The following EXOC4 variants were observed in gnomAD, a reference collection of about 807,000 sequenced individuals.
EXOC4 encodes the protein exocyst complex component 4, also known as SEC8-like 1.
EXOC4 carries 71 observed loss-of-function variants against 107.2 expected under a neutral mutation model. The ratio of observed to expected loss-of-function variants is 0.66; its 90% CI spans 0.55 to 0.81. EXOC4 has a LOEUF of 0.81. EXOC4 is among the 30% of genes least tolerant of loss of function. The pLI is 0.00. For missense variants in EXOC4, 1,108 were observed against 1,189.6 expected (o/e 0.93, Z 1.01); for synonymous variants, 456 against 441.2 (o/e 1.03, Z -0.42).
chr7:133,604,668 T>C (rs541952028), intron 9 of EXOC4, among the ~76,000 whole-genome samples: 1 of 151,102 alleles, frequency 6.6e-6, no homozygotes, highest in South Asian at 2.1e-4. Context: ...CTTTAACTTA[T>C]AGCACTGATT....
intron 17 of EXOC4, among the ~76,000 whole-genome samples, chr7:134,035,364 G>A (rs573064022): frequency 6.6e-6 from 1 of 152,164 alleles, no homozygotes; most frequent in South Asian, 2.1e-4. Context: ...TCTTAAAAGG[G>A]TCATTAATAG....
At chr7:133,407,568 T>C (rs1490385487) in intron 7 of EXOC4, among the ~76,000 whole-genome samples, 1 of 152,278 alleles carries the variant, frequency 6.6e-6, no homozygotes. Context: ...TATTCAAATA[T>C]GTAATGTTTA....
intron 10 of EXOC4, among the ~76,000 whole-genome samples, chr7:133,756,588 T>C (rs1357334849): frequency 6.6e-6 from 1 of 152,236 alleles, no homozygotes; most frequent in African/African-American, 2.4e-5. Context: ...CTCCTCCATT[T>C]AAAATTGCCA....
At chr7:133,961,968 C>T (rs1216724313) in intron 14 of EXOC4, among the ~76,000 whole-genome samples, 1 of 152,226 alleles carries the variant, frequency 6.6e-6, no homozygotes, top group African/African-American at 2.4e-5. Flanking sequence ...CCTCATTTCT[C>T]AGAGGAGGAA....
intron 9 of EXOC4, among the ~76,000 whole-genome samples, chr7:133,524,585 A>C (rs1427093726): frequency 6.7e-6 from 1 of 149,110 alleles, no homozygotes; most frequent in African/African-American, 2.5e-5. Context: ...TCTAACATTT[A>C]AGTCTTTAAT....
chr7:133,649,625 C>T (rs1434838943), intron 10 of EXOC4, among the ~76,000 whole-genome samples: 1 of 152,076 alleles, frequency 6.6e-6, no homozygotes, highest in Non-Finnish European at 1.5e-5. Context: ...TCAGTCACCA[C>T]CTTCTGTGTC....
intron 1 of EXOC4, among the ~76,000 whole-genome samples, chr7:133,255,250 C>T (rs1170240840): frequency 6.6e-6 from 1 of 151,974 alleles, no homozygotes; most frequent in Admixed American, 6.6e-5. Context: ...GATCTCGGCT[C>T]ACTGCAACCT....
At chr7:133,954,353 G>A (rs1800765778) in intron 14 of EXOC4, among the ~76,000 whole-genome samples, 1 of 152,214 alleles carries the variant, frequency 6.6e-6, no homozygotes, top group African/African-American at 2.4e-5. Context: ...TGCTCTAAGT[G>A]TATGTGTGCC....
intron 9 of EXOC4, among the ~76,000 whole-genome samples, chr7:133,585,473 T>C (rs1038522035): frequency 2.0e-5 from 3 of 152,106 alleles, no homozygotes; most frequent in Non-Finnish European, 4.4e-5. Context: ...CAAGAATCAC[T>C]GTCATTGGCC....
At chr7:133,329,926 G>A (rs1452591202) in intron 5 of EXOC4, among the ~76,000 whole-genome samples, 1 of 152,154 alleles carries the variant, frequency 6.6e-6, no homozygotes, top group African/African-American at 2.4e-5. Context: ...GAGGCAATCT[G>A]ACCCTTAGCA....
chr7:133,786,526 G>A (rs1009607672), intron 10 of EXOC4, among the ~76,000 whole-genome samples: 1 of 152,216 alleles, frequency 6.6e-6, no homozygotes, highest in South Asian at 2.1e-4. Context: ...TACGAAACAG[G>A]TGTCAAAGAG....
chr7:134,014,374 G>C (rs1794847250), intron 17 of EXOC4, among the ~76,000 whole-genome samples: 1 of 152,208 alleles, frequency 6.6e-6, no homozygotes, highest in Admixed American at 6.5e-5. Flanking sequence ...CTGCACTCCA[G>C]CCTGGGCGAC....
At chr7:133,965,584 C>A (rs749941291) in intron 14 of EXOC4, among the ~76,000 whole-genome samples, 1 of 152,170 alleles carries the variant, frequency 6.6e-6, no homozygotes, top group Non-Finnish European at 1.5e-5. Flanking sequence ...AATAGGGAAT[C>A]CTTTCCCCAT....
chr7:133,616,504 A>G (rs1047459302), intron 9 of EXOC4, among the ~76,000 whole-genome samples: 3 of 152,162 alleles, frequency 2.0e-5, no homozygotes, highest in South Asian at 2.1e-4. Flanking sequence ...CTTAAAGTTC[A>G]GATACTTGTT....
At chr7:133,255,076 A>T (rs923049034) in intron 1 of EXOC4, among the ~76,000 whole-genome samples, 1 of 152,004 alleles carries the variant, frequency 6.6e-6, no homozygotes, top group Non-Finnish European at 1.5e-5. Flanking sequence ...TCCATCTCTT[A>T]TGCCAGTTTA....
intron 10 of EXOC4, among the ~76,000 whole-genome samples, chr7:133,764,939 T>TACTTA (rs1562988119): frequency 5.3e-5 from 8 of 151,980 alleles, no homozygotes; most frequent in African/African-American, 1.9e-4. Flanking sequence ...CCCAAACAAG[T>TACTTA]TACTTAACCT....
intron 10 of EXOC4, among the ~76,000 whole-genome samples, chr7:133,650,452 G>T (rs185029650): frequency 1.0e-3 from 156 of 152,200 alleles, no homozygotes; most frequent in African/African-American, 3.5e-3. Flanking sequence ...GCCCTTTTAA[G>T]AATACTTAGT....
At chr7:133,986,973 T>C (rs1462348625) in intron 14 of EXOC4, among the ~76,000 whole-genome samples, 1 of 152,194 alleles carries the variant, frequency 6.6e-6, no homozygotes, top group Non-Finnish European at 1.5e-5. Flanking sequence ...ACTGACTTTG[T>C]AGGCCTCGTG....
chr7:133,912,940 C>T (rs968772563), intron 12 of EXOC4, among the ~76,000 whole-genome samples: 9 of 151,948 alleles, frequency 5.9e-5, no homozygotes, highest in African/African-American at 2.2e-4. Context: ...AATAGCTTGC[C>T]CAAGTGATTC....
Sources: allele counts gnomAD v4.1 joint callset (sites outside exome capture counted in the v4.1 genomes callset), GRCh38; gene constraint gnomAD v4.1.1; transcripts MANE v1.5; gene names NCBI Gene and HGNC (gene_info 2026-07-23, HGNC 2026-07-21).